The following TBC1D12 variants were observed in gnomAD, a reference collection of about 807,000 sequenced individuals.
TBC1D12 encodes the protein TBC1 domain family, member 12.
A neutral mutation model predicts 86.7 loss-of-function variants in TBC1D12; 56 were observed. That is an observed-to-expected ratio of 0.65 (90% confidence interval 0.52 to 0.81). The LOEUF is 0.81. TBC1D12 is among the 30% of genes least tolerant of loss of function. TBC1D12 has a pLI of 0.00. For missense variants in TBC1D12, 1,023 were observed against 1,038.8 expected (o/e 0.98, Z 0.21); for synonymous variants, 421 against 411.7 (o/e 1.02, Z -0.27).
At chr10:94,459,086 CATTTTACA>C (rs2055679249) in intron 2 of TBC1D12, among the ~76,000 whole-genome samples, 4 of 151,316 alleles carry the variant, frequency 2.6e-5, no homozygotes, top group Non-Finnish European at 1.5e-5. Flanking sequence ...CTGATTGGTC[CATTTTACA>C]GAGAGCTGAT....
intron 9 of TBC1D12, among the ~76,000 whole-genome samples, chr10:94,516,074 C>CT (rs397846955): frequency 6.6e-6 from 1 of 151,932 alleles, no homozygotes; most frequent in Non-Finnish European, 1.5e-5. Context: ...CACTGTTGAC[C>CT]GTAGGAAACT....
At chr10:94,427,504 G>A (rs183013945) in intron 1 of TBC1D12, among the ~76,000 whole-genome samples, 23 of 152,150 alleles carry the variant, frequency 1.5e-4, no homozygotes, top group African/African-American at 5.3e-4. Flanking sequence ...ATCATTAAAT[G>A]TATTCTATTT....
At chr10:94,425,376 C>T (rs539578859) in intron 1 of TBC1D12, among the ~76,000 whole-genome samples, 1 of 152,044 alleles carries the variant, frequency 6.6e-6, no homozygotes, top group South Asian at 2.1e-4. Context: ...GAACTATACA[C>T]CAAAAGAAAA....
chr10:94,429,814 G>A (rs2055191909), intron 1 of TBC1D12, among the ~76,000 whole-genome samples: 1 of 152,058 alleles, frequency 6.6e-6, no homozygotes, highest in Non-Finnish European at 1.5e-5. Context: ...TGTTACTGCA[G>A]CCTTGACCTC....
chr10:94,488,840 C>T (rs1215676928), intron 3 of TBC1D12, among the ~76,000 whole-genome samples: 1 of 152,040 alleles, frequency 6.6e-6, no homozygotes, highest in Non-Finnish European at 1.5e-5. Context: ...CTGCCTGGTG[C>T]CCTATCCTAC....
At chr10:94,493,628 T>G (rs2056275734) in intron 4 of TBC1D12, among the ~76,000 whole-genome samples, 181 bp downstream of exon 4, 1 of 152,192 alleles carries the variant, frequency 6.6e-6, no homozygotes, top group Admixed American at 6.5e-5. Flanking sequence ...CACAGCTCAC[T>G]GTAGCCTGAC....
chr10:94,476,375 A>C (rs749342325), intron 3 of TBC1D12, among the ~76,000 whole-genome samples: 5 of 152,144 alleles, frequency 3.3e-5, no homozygotes, highest in African/African-American at 4.8e-5. Context: ...GATTTGATGA[A>C]TATGTTTATA....
intron 2 of TBC1D12, among the ~76,000 whole-genome samples, chr10:94,471,939 T>C (rs536230906): frequency 1.4e-4 from 22 of 152,338 alleles, no homozygotes; most frequent in Non-Finnish European, 2.9e-4. Context: ...ATTTTTCTTT[T>C]GGCAAGAATA....
chr10:94,520,683 C>G (rs970081759), intron 9 of TBC1D12, among the ~76,000 whole-genome samples: 1 of 151,414 alleles, frequency 6.6e-6, no homozygotes, highest in Non-Finnish European at 1.5e-5. Flanking sequence ...TTTTTGAGAC[C>G]GAGTCTCGCT....
intron 3 of TBC1D12, among the ~76,000 whole-genome samples, chr10:94,483,618 C>A (rs948978300): frequency 6.6e-6 from 1 of 152,088 alleles, no homozygotes; most frequent in Non-Finnish European, 1.5e-5. Flanking sequence ...TTAGCTTTAT[C>A]CCTGTGGATA....
chr10:94,507,311 A>T lies in TBC1D12; in HGVS notation c.1564A>T (p.Ser522Cys). ...CTCAAGAGCAAAAGAACGGTGGAAA[A>T]GTTTCAGTGAAACAAGTTCAGAGAA... ...FLSRAKERWK[S>C]FSETSSENDT... The change falls in exon 7 of 13, where the codon AGT becomes TGT. Residue 522 changes from serine to cysteine, a missense_variant. Transcript: ENST00000225235. The T allele has an allele frequency of 6.2e-7, 1 of 1,610,082 alleles. No homozygotes were observed. Among genetic ancestry groups the T allele is most frequent in the Non-Finnish European group, 8.5e-7 (1 of 1,179,294 alleles).
intron 2 of TBC1D12, among the ~76,000 whole-genome samples, chr10:94,470,614 C>T (rs1217757573): frequency 2.6e-5 from 4 of 151,490 alleles, no homozygotes; most frequent in South Asian, 2.1e-4. Context: ...CTGCCAGCCT[C>T]GGCTTCCCAA....
At chr10:94,450,174 CTA>C (rs1362074987) in intron 2 of TBC1D12, among the ~76,000 whole-genome samples, 1 of 152,028 alleles carries the variant, frequency 6.6e-6, no homozygotes, top group African/African-American at 2.4e-5. Context: ...GTGCATATAT[CTA>C]TATCTATATC....
chr10:94,488,384 G>GTTTTT (rs1281425108), intron 3 of TBC1D12, among the ~76,000 whole-genome samples: 5 of 106,078 alleles, frequency 4.7e-5, no homozygotes, highest in African/African-American at 1.8e-4. Flanking sequence ...GGCCCAAGGG[G>GTTTTT]TCTTTTTTTT....
intron 12 of TBC1D12, among the ~76,000 whole-genome samples, chr10:94,531,754 TTTATTTTATTTTATTTTATG>T (rs1842428726): frequency 1.7e-5 from 2 of 118,410 alleles, no homozygotes; most frequent in African/African-American, 6.4e-5. Flanking sequence ...TTTATGTTAT[TTTATTTTATTTTATTTTATG>T]TTATTTTATT....
intron 6 of TBC1D12, chr10:94,501,537 TGTAGA>T (rs2056397173): frequency 1.9e-5 from 3 of 153,940 alleles, no homozygotes; most frequent in African/African-American, 7.2e-5. Context: ...AGGAGCAAAA[TGTAGA>T]GTAGTTTTTT....
chr10:94,451,824 C>T (rs2055553565), intron 2 of TBC1D12, among the ~76,000 whole-genome samples: 1 of 151,920 alleles, frequency 6.6e-6, no homozygotes, highest in South Asian at 2.1e-4. Flanking sequence ...ATGATGTCAT[C>T]CTTCAGAGAT....
At chr10:94,461,405 T>TA (rs963559867) in intron 2 of TBC1D12, among the ~76,000 whole-genome samples, 1 of 152,140 alleles carries the variant, frequency 6.6e-6, no homozygotes, top group African/African-American at 2.4e-5. Flanking sequence ...TAGGCTCTGG[T>TA]AAAAAAGTTT....
At chr10:94,454,701 T>G (rs541732016) in intron 2 of TBC1D12, among the ~76,000 whole-genome samples, 9 of 152,248 alleles carry the variant, frequency 5.9e-5, no homozygotes, top group Non-Finnish European at 1.2e-4. Flanking sequence ...TGTTATATTG[T>G]AAGAAAGTGA....
Sources: gnomAD v4.1 joint callset for allele counts (sites outside exome capture counted in the v4.1 genomes callset) on GRCh38, gnomAD v4.1.1 for gene constraint, MANE v1.5 for transcripts, NCBI Gene and HGNC (gene_info 2026-07-23, HGNC 2026-07-21) for gene names.